SECISBP2L: variants seen among roughly 807,000 people sequenced by gnomAD.
The protein encoded by SECISBP2L is SECIS binding protein 2 like, also known as selenocysteine insertion sequence-binding protein 2-like.
In SECISBP2L, 43 loss-of-function variants were observed where a neutral mutation model predicts 114.7. The observed-to-expected ratio is 0.38, with a 90% CI of 0.29 to 0.48. SECISBP2L has a LOEUF of 0.48. Among genes scored for constraint, SECISBP2L ranks in the 20% least tolerant of loss-of-function variants. The pLI is 0.98. For synonymous variants in SECISBP2L, 451 were observed against 439.7 expected, an observed-to-expected ratio of 1.03 and a Z score of -0.32; for missense variants, 1,136 against 1,301.1, an observed-to-expected ratio of 0.87 and a Z score of 1.95.
chr15:49,023,291 G>T (rs925009642), intron 7 of SECISBP2L, among the ~76,000 whole-genome samples: 1 of 152,242 alleles, frequency 6.6e-6, no homozygotes, highest in Admixed American at 6.5e-5. Context: ...ATGAGCAAAG[G>T]ATAGGACCAG....
chr15:49,008,427 CCT>C (rs1285210007), intron 14 of SECISBP2L, among the ~76,000 whole-genome samples: 2 of 152,080 alleles, frequency 1.3e-5, no homozygotes, highest in African/African-American at 2.4e-5. Flanking sequence ...TCTTTTTTTC[CCT>C]TTTTCCTTCA....
At chr15:48,996,757 T>C (rs368238218) in intron 16 of SECISBP2L, among the ~76,000 whole-genome samples, 171 bp from the exon 17 acceptor site, 72 of 152,348 alleles carry the variant, frequency 4.7e-4, no homozygotes, top group African/African-American at 1.6e-3. Context: ...GTAACTTACA[T>C]TTACTGTTTA....
chr15:49,032,727 T>A (rs750272022), intron 4 of SECISBP2L, among the ~76,000 whole-genome samples: 4 of 152,174 alleles, frequency 2.6e-5, no homozygotes, highest in Non-Finnish European at 5.9e-5. Flanking sequence ...GCTCCATTAT[T>A]ACAAAAGGAA....
At chr15:49,041,184 A>G (rs1222990742) in intron 1 of SECISBP2L, among the ~76,000 whole-genome samples, 1 of 152,228 alleles carries the variant, frequency 6.6e-6, no homozygotes. Context: ...GCTTCACAAA[A>G]AAGCACAACC....
At chr15:49,028,713 T>C in intron 4 of SECISBP2L, 31 bp from the exon 5 acceptor site, 1 of 1,529,606 alleles carries the variant, frequency 6.5e-7, no homozygotes, top group Non-Finnish European at 9.1e-7. Context: ...TGACAATTCT[T>C]TGTGATGAAC....
At chr15:49,017,419 T>C in intron 9 of SECISBP2L, 129 bp downstream of exon 9, 3 of 639,346 alleles carry the variant, frequency 4.7e-6, no homozygotes, top group African/African-American at 3.7e-5. Flanking sequence ...TAAAGATAGG[T>C]ACTAAACACC....
chr15:49,028,328 A>G, intron 5 of SECISBP2L, 125 bp downstream of exon 5: 4 of 1,019,108 alleles, frequency 3.9e-6, no homozygotes, highest in Non-Finnish European at 5.7e-6. Context: ...TACAAAATAC[A>G]TTTGTAACTA....
At chr15:49,021,390 T>G (rs1902637201) in intron 7 of SECISBP2L, among the ~76,000 whole-genome samples, 1 of 152,182 alleles carries the variant, frequency 6.6e-6, no homozygotes, top group African/African-American at 2.4e-5. Flanking sequence ...AAAAAAACAT[T>G]AAGCATTCTA....
chr15:49,028,692 C>G lies in SECISBP2L; in HGVS notation c.665-10G>C, dbSNP rs771755414. ...ATATCTGATGGGAAATCTACAAAGG[C>G]AAGGAAAGTTTGACAATTCTTTGTG... is the stretch of plus-strand genomic sequence containing the variant. On this transcript the variant is annotated splice_polypyrimidine_tract_variant and intron_variant, in intron 4 of 17. Transcript: ENST00000559471. 1 of 1,603,340 alleles carries G rather than the reference C, an allele frequency of 6.2e-7. No homozygotes were observed. Among genetic ancestry groups the G allele is most frequent in the Non-Finnish European group, 8.5e-7 (1 of 1,170,752 alleles).
rs374375146 is a variant in SECISBP2L, at chr15:49,037,653, T to C, written c.141A>G (p.Pro47=). 3 of 1,613,792 alleles carry C rather than the reference T, an allele frequency of 1.9e-6. No individual in the cohort carries two copies. Among genetic ancestry groups the C allele is most frequent in the African/African-American group, 1.3e-5 (1 of 74,916 alleles). Residue 47 remains proline (P), a synonymous_variant, in exon 2 of 18, where the codon CCA becomes CCG. Coordinates refer to ENST00000559471, the MANE Select transcript of SECISBP2L (RefSeq NM_001193489.2). ...TAATCAGGTAGCTGGGAATTGGAGT[T>C]GGTTCCACACCAGAAACACTTCCAT... The part of the protein sequence containing the change: ...NDNGSVSGVE[P]TPIPSYLITC...
In SECISBP2L at chr15:49,000,910, T is replaced by C. The variant is rs757279727; in HGVS notation, c.2215A>G (p.Ile739Val). ...TGGATTTTTTCACAGTTTGGAGAAA[T>C]TATAACACACTTGATCTTGTTTAAC... is the stretch of plus-strand genomic sequence containing the variant. ...MKLNKIKCVI[I>V]SPNCEKIQSK... The change falls in exon 15 of 18, where the codon ATT becomes GTT. Residue 739 changes from isoleucine (I) to valine (V), a missense_variant. Physicochemically the swap from Ile to Val is conservative, Grantham distance 29. Around this residue, in one of 2 missense-constraint regions of SECISBP2L, gnomAD observed 684 missense variants for 848.7 expected, o/e 0.81. Coordinates refer to ENST00000559471, the MANE Select transcript of SECISBP2L (RefSeq NM_001193489.2). 6.2e-7 allele frequency: 1 copy of C among 1,613,354 alleles called. No individual in the cohort carries two copies.
intron 14 of SECISBP2L, among the ~76,000 whole-genome samples, chr15:49,007,789 C>T (rs369773356): frequency 6.6e-6 from 1 of 152,156 alleles, no homozygotes; most frequent in African/African-American, 2.4e-5. Flanking sequence ...TGGGCACTGG[C>T]TTTCTCAGTC....
intron 4 of SECISBP2L, 94 bp from the exon 5 acceptor site, chr15:49,028,776 C>G: frequency 6.7e-6 from 7 of 1,047,534 alleles, no homozygotes; most frequent in Non-Finnish European, 9.9e-6. Flanking sequence ...AAATAGATAC[C>G]AAACTTCATA....
chr15:49,043,958 A>G (rs540253991), intron 1 of SECISBP2L, among the ~76,000 whole-genome samples: 98 of 152,164 alleles, frequency 6.4e-4, no homozygotes, highest in Middle Eastern at 3.4e-3. Flanking sequence ...CAGGCAAAAA[A>G]AAAGCGTTTT....
intron 14 of SECISBP2L, among the ~76,000 whole-genome samples, chr15:49,008,489 T>G (rs530395990): frequency 6.6e-6 from 1 of 152,314 alleles, no homozygotes; most frequent in South Asian, 2.1e-4. Context: ...AGTGTTTCAT[T>G]TGCTCCACAT....
At position 49,037,648 on chromosome 15, in the gene SECISBP2L, G is replaced by A; in HGVS notation, c.146C>T (p.Pro49Leu). 7 of 1,613,860 alleles carry A rather than the reference G, an allele frequency of 4.3e-6. No homozygotes were observed. The highest frequency in any genetic ancestry group is 5.9e-6 in the Non-Finnish European group (7 of 1,179,874). ...NGSVSGVEPT[P>L]IPSYLITCYP... ...ACAAGTAATCAGGTAGCTGGGAATT[G>A]GAGTTGGTTCCACACCAGAAACACT... Residue 49 changes from proline (P) to leucine (L), a missense_variant, in exon 2 of 18, where the codon CCA becomes CTA. Coordinates refer to ENST00000559471, the MANE Select transcript of SECISBP2L (RefSeq NM_001193489.2).
intron 8 of SECISBP2L, 125 bp from the exon 9 acceptor site, chr15:49,017,753 C>T (rs1014413126): frequency 9.6e-6 from 6 of 626,480 alleles, no homozygotes; most frequent in South Asian, 2.3e-5. Context: ...TATTCAAAGT[C>T]GGTCTTAAAG....
At chr15:49,024,808 A>T (rs1377430792) in intron 7 of SECISBP2L, among the ~76,000 whole-genome samples, 1 of 152,222 alleles carries the variant, frequency 6.6e-6, no homozygotes, top group African/African-American at 2.4e-5. Context: ...TCAAACAAAT[A>T]CACTTAAGTA....
chr15:49,033,303 G>A (rs4238374), intron 3 of SECISBP2L, among the ~76,000 whole-genome samples: 151,655 of 152,304 alleles, frequency 1, 75,505 homozygotes, highest in Middle Eastern at 1. Flanking sequence ...TGTATTATAC[G>A]CACATATATA....
Sources: allele counts gnomAD v4.1 joint callset (sites outside exome capture counted in the v4.1 genomes callset), GRCh38; gene constraint gnomAD v4.1.1; regional missense constraint gnomAD v4.1.1; transcripts MANE v1.5; gene names NCBI Gene and HGNC (gene_info 2026-07-23, HGNC 2026-07-21).